The following TES variants were observed in gnomAD, a reference collection of about 807,000 sequenced individuals.
TES encodes testin.
TES carries 41 observed loss-of-function variants against 48.2 expected under a neutral mutation model. That is an observed-to-expected ratio of 0.85 (90% CI 0.66 to 1.10). TES has a LOEUF of 1.10. Ranked by LOEUF, TES falls within the 50% of genes least tolerant of loss-of-function variation. The probability of loss-of-function intolerance (pLI) is 0.00; values close to 1 mark genes in which losing one functional copy is unlikely to be tolerated. For missense variants in TES, 463 were observed against 515.1 expected, an observed-to-expected ratio of 0.90 and a Z score of 0.98; for synonymous variants, 162 against 174.9, an observed-to-expected ratio of 0.93 and a Z score of 0.58.
In TES at chr7:116,251,787, A is replaced by G; in HGVS notation, c.730A>G (p.Lys244Glu). Reference sequence around the variant, plus strand: ...CTGCTATTGCTGCAAACTGAGTATGAAAGAAGGTGACCCAGCCATCTATGC... The same window carrying G: ...CTGCTATTGCTGCAAACTGAGTATGGAAGAAGGTGACCCAGCCATCTATGC... ...YSCYCCKLSM[K>E]EGDPAIYAER... The change falls in exon 5 of 7, where the codon AAA becomes GAA. Residue 244 changes from lysine to glutamate, a missense_variant. Physicochemically the swap from Lys to Glu is moderately conservative, Grantham distance 56. Coordinates refer to ENST00000358204, the MANE Select transcript of TES (RefSeq NM_015641.4). 6.2e-7 allele frequency: 1 copy of G among 1,614,190 alleles called. No homozygotes were observed.
At chr7:116,248,701 G>T (rs1799960487) in intron 2 of TES, among the ~76,000 whole-genome samples, 2 of 152,190 alleles carry the variant, frequency 1.3e-5, no homozygotes, top group South Asian at 4.1e-4. Context: ...TGCAGGATTT[G>T]CAAATATTTT....
chr7:116,219,840 T>TCAGA (rs1467298057), intron 1 of TES, among the ~76,000 whole-genome samples: 2 of 152,188 alleles, frequency 1.3e-5, no homozygotes, highest in Non-Finnish European at 2.9e-5. Flanking sequence ...CTGTATGGTA[T>TCAGA]CAGACTACAC....
intron 1 of TES, among the ~76,000 whole-genome samples, chr7:116,213,108 A>G (rs563389009): frequency 4.5e-4 from 68 of 152,344 alleles, no homozygotes; most frequent in Middle Eastern, 3.4e-3. Context: ...GTATTTCACA[A>G]TCTTAGCCAT....
chr7:116,215,201 G>C (rs1799480543), intron 1 of TES, among the ~76,000 whole-genome samples: 1 of 152,084 alleles, frequency 6.6e-6, no homozygotes, highest in Non-Finnish European at 1.5e-5. Flanking sequence ...ACCATAATTT[G>C]AAGAATCCAT....
rs1485769966 is a variant in TES, at chr7:116,258,428, G to C, written c.*946G>C. On this transcript the variant is annotated 3_prime_UTR_variant, in exon 7 of 7. Transcript: ENST00000358204. ...TGCCTGACCCACACACTTTTTACTT[G>C]TATAGATGATTTTTGGCTTGGACAT... 3 of 152,428 alleles carry C rather than the reference G, an allele frequency of 2.0e-5. No homozygotes were observed. Among genetic ancestry groups the C allele is most frequent in the African/African-American group, 4.8e-5 (2 of 41,376 alleles). The allele number at this position is 152,428 out of a possible 1,614,324, so 9.4% of individuals were successfully genotyped here. A position where few individuals can be genotyped will look rare whatever the true frequency, so the allele number is the denominator to read the frequency against.
chr7:116,244,665 C>T (rs753713765), intron 2 of TES, among the ~76,000 whole-genome samples: 2 of 152,202 alleles, frequency 1.3e-5, no homozygotes, highest in East Asian at 1.9e-4. Flanking sequence ...CACAGCTCCA[C>T]TAGGCAGTGC....
At chr7:116,234,053 A>G (rs1458948727) in intron 1 of TES, among the ~76,000 whole-genome samples, 2 of 152,182 alleles carry the variant, frequency 1.3e-5, no homozygotes, top group South Asian at 4.1e-4. Flanking sequence ...GGCATTCAAT[A>G]AGTGTATATT....
chr7:116,239,680 A>G (rs1156745331), intron 2 of TES, among the ~76,000 whole-genome samples: 2 of 152,206 alleles, frequency 1.3e-5, no homozygotes, highest in Non-Finnish European at 2.9e-5. Context: ...CCTTGTGGAC[A>G]AAGGTGTACT....
At chr7:116,230,096 G>T (rs938525648) in intron 1 of TES, among the ~76,000 whole-genome samples, 1 of 152,156 alleles carries the variant, frequency 6.6e-6, no homozygotes, top group Non-Finnish European at 1.5e-5. Context: ...TTCTCTAGCT[G>T]CTAAAAGTGA....
chr7:116,235,056 G>T (rs1799750820), intron 2 of TES, among the ~76,000 whole-genome samples: 1 of 152,140 alleles, frequency 6.6e-6, no homozygotes, highest in Non-Finnish European at 1.5e-5. Flanking sequence ...CGATTCTCTT[G>T]CCTTAGCCTC....
In TES at chr7:116,249,945, T is replaced by C. The variant is rs116531543; in HGVS notation, c.367-216T>C. Reference sequence around the variant, plus strand: ...TCAGATCTTACAAACTGAAAAAATATATAATTTCATGGAGAGAAAGTGTTA... The same window carrying C: ...TCAGATCTTACAAACTGAAAAAATACATAATTTCATGGAGAGAAAGTGTTA... On this transcript the variant is annotated intron_variant, in intron 3 of 6. Transcript: ENST00000358204. The C allele has an allele frequency of 4.5e-3, 1,722 of 384,358 alleles. 24 individuals are homozygous for C. Among genetic ancestry groups the C allele is most frequent in the African/African-American group, 0.032 (1,533 of 48,428 alleles). The allele number at this position is 384,358 out of a possible 1,614,324, so 23.8% of individuals were successfully genotyped here. A position where few individuals can be genotyped will look rare whatever the true frequency, so the allele number is the denominator to read the frequency against.
intron 4 of TES, chr7:116,251,517 C>G (rs1366731245): frequency 7.1e-6 from 3 of 423,066 alleles, no homozygotes; most frequent in Non-Finnish European, 1.3e-5. Flanking sequence ...CCCGTCTCTA[C>G]TAAAAATACA....
At chr7:116,219,626 T>G (rs1799533036) in intron 1 of TES, among the ~76,000 whole-genome samples, 1 of 152,126 alleles carries the variant, frequency 6.6e-6, no homozygotes, top group Non-Finnish European at 1.5e-5. Flanking sequence ...ACATGTCCAG[T>G]TCTGAAGTCA....
At chr7:116,220,335 A>C (rs1032748064) in intron 1 of TES, among the ~76,000 whole-genome samples, 1 of 152,154 alleles carries the variant, frequency 6.6e-6, no homozygotes, top group African/African-American at 2.4e-5. Flanking sequence ...GGACCAGATA[A>C]AATTAAGCCA....
chr7:116,225,629 C>T (rs1237044544), intron 1 of TES, among the ~76,000 whole-genome samples: 1 of 152,150 alleles, frequency 6.6e-6, no homozygotes, highest in Non-Finnish European at 1.5e-5. Flanking sequence ...GCATACAGGG[C>T]TTCTGGCTTT....
intron 2 of TES, among the ~76,000 whole-genome samples, chr7:116,248,027 C>T (rs1563013571): frequency 6.6e-6 from 1 of 152,158 alleles, no homozygotes; most frequent in African/African-American, 2.4e-5. Flanking sequence ...TCCATGTGTA[C>T]TCAATATTTA....
Position 116,257,563 on chromosome 7 carries a change from T to C in TES, c.*81T>C. The C allele has an allele frequency of 8.4e-7, 1 of 1,195,838 alleles. No individual in the cohort carries two copies. The highest frequency in any genetic ancestry group is 3.5e-5 in the South Asian group (1 of 28,888). 74.1% of individuals were successfully genotyped at this position (1,195,838 alleles called of 1,614,324 possible). Reference sequence around the variant, plus strand: ...ACTGTAAAATGCAATTTGAAAAAAATAAAACGCAAAAAAAGAAACTGTAAA... The same window carrying C: ...ACTGTAAAATGCAATTTGAAAAAAACAAAACGCAAAAAAAGAAACTGTAAA... On this transcript the variant is annotated 3_prime_UTR_variant, in exon 7 of 7. Coordinates refer to ENST00000358204, the MANE Select transcript of TES (RefSeq NM_015641.4).
intron 1 of TES, among the ~76,000 whole-genome samples, chr7:116,222,093 T>A (rs1799563938): frequency 6.6e-6 from 1 of 152,040 alleles, no homozygotes; most frequent in Non-Finnish European, 1.5e-5. Flanking sequence ...TTTTCCAGAA[T>A]AAGGGATGGT....
chr7:116,229,969 T>A (rs1799676492), intron 1 of TES, among the ~76,000 whole-genome samples: 1 of 152,182 alleles, frequency 6.6e-6, no homozygotes, highest in Non-Finnish European at 1.5e-5. Flanking sequence ...TCAGAGATCT[T>A]CAGTGCTGGT....
Sources: allele counts gnomAD v4.1 joint callset (sites outside exome capture counted in the v4.1 genomes callset), GRCh38; gene constraint gnomAD v4.1.1; transcripts MANE v1.5; gene names NCBI Gene and HGNC (gene_info 2026-07-23, HGNC 2026-07-21).